Variants in BTBD10 observed in about 807,000 individuals in gnomAD.
BTBD10 encodes BTB domain containing 10, also known as BTB/POZ domain-containing protein 10.
BTBD10 carries 21 observed loss-of-function variants against 53.2 expected under a neutral mutation model. That is an observed-to-expected ratio of 0.39 (90% CI 0.28 to 0.57). The LOEUF is 0.57. Ranked by LOEUF, BTBD10 falls within the 20% of genes least tolerant of loss-of-function variation. The pLI is 0.53. For missense variants in BTBD10, 360 were observed against 594.7 expected, an observed-to-expected ratio of 0.61 and a Z score of 4.10; for synonymous variants, 149 against 192.7, an observed-to-expected ratio of 0.77 and a Z score of 1.88.
At chr11:13,417,311 A>C (rs1214786522) in intron 4 of BTBD10, 51 bp from the exon 5 acceptor site, 2 of 1,298,928 alleles carry the variant, frequency 1.5e-6, no homozygotes, top group Non-Finnish European at 2.1e-6. Context: ...TTCCTTCAAA[A>C]GGGAAAATAG....
intron 1 of BTBD10, among the ~76,000 whole-genome samples, chr11:13,460,132 C>T (rs928356822): frequency 1.3e-5 from 2 of 152,262 alleles, no homozygotes; most frequent in East Asian, 3.8e-4. Flanking sequence ...CTAGCTTGGC[C>T]TGAGATGACT....
chr11:13,445,126 C>A lies in BTBD10; in HGVS notation c.-2G>T, dbSNP rs545794626. On this transcript the variant is annotated 5_prime_UTR_variant, in exon 2 of 9. Transcript: ENST00000278174. ...ATAGGGATGAGGCCGTCCTGCCATC[C>A]CACTCCAAGCTTCCTCACACTACTG... is the stretch of plus-strand genomic sequence containing the variant. 1 of 1,610,564 alleles carries A rather than the reference C, an allele frequency of 6.2e-7. No individual in the cohort carries two copies. Among genetic ancestry groups the A allele is most frequent in the African/African-American group, 1.3e-5 (1 of 74,904 alleles).
intron 2 of BTBD10, among the ~76,000 whole-genome samples, chr11:13,443,141 G>A (rs1362819760): frequency 6.6e-6 from 1 of 151,778 alleles, no homozygotes; most frequent in Non-Finnish European, 1.5e-5. Flanking sequence ...GTAGTCCTAG[G>A]TACTCCAGAG....
intron 2 of BTBD10, among the ~76,000 whole-genome samples, chr11:13,433,653 T>C (rs2134003945): frequency 6.6e-6 from 1 of 152,340 alleles, no homozygotes; most frequent in Non-Finnish European, 1.5e-5. Context: ...ATTTTGTAAA[T>C]AAAGTATTAT....
rs186426170 is a variant in BTBD10, at chr11:13,416,302, C to T, written c.687+856G>A. ...CCAGAAGGTCAAGGCTGCAGTTAGC[C>T]GTGATCACACTACTGCACTGCAGCC... On this transcript the variant is annotated intron_variant, in intron 5 of 8. Coordinates refer to ENST00000278174, the MANE Select transcript of BTBD10 (RefSeq NM_032320.7). Among the ~76,000 whole-genome samples, 47 of 151,888 alleles carry T rather than the reference C, an allele frequency of 3.1e-4. No individual in the cohort carries two copies. The South Asian group carries it at 4.2e-3, about 13-fold the overall frequency.
chr11:13,389,092 T>C lies in BTBD10; in HGVS notation c.1167A>G (p.Pro389=), dbSNP rs1949334786. 1.2e-6 allele frequency: 2 copies of C among 1,614,090 alleles called. No homozygotes were observed. The highest frequency in any genetic ancestry group is 1.3e-5 in the African/African-American group (1 of 75,064). ...EKVKKRPGGR[P]EVIYNYVQRP... ...TTTGGACATAGTTGTAGATCACTTC[T>C]GGGCGGCCTCCAGGCCTTTTCTTTA... is the stretch of plus-strand genomic sequence containing the variant. Residue 389 remains proline (P), a synonymous_variant, in exon 9 of 9, where the codon CCA becomes CCG. Coordinates refer to ENST00000278174, the MANE Select transcript of BTBD10 (RefSeq NM_032320.7).
chr11:13,394,928 A>C (rs1356294023), intron 8 of BTBD10, among the ~76,000 whole-genome samples: 1 of 151,350 alleles, frequency 6.6e-6, no homozygotes, highest in East Asian at 1.9e-4. Context: ...ACATTTTCTT[A>C]ATCCAGTCTA....
At chr11:13,452,925 GTTCA>G (rs1281935179) in intron 1 of BTBD10, among the ~76,000 whole-genome samples, 2 of 152,050 alleles carry the variant, frequency 1.3e-5, no homozygotes, top group Admixed American at 1.3e-4. Context: ...TATTTTATTA[GTTCA>G]TTCATGACTA....
chr11:13,447,314 T>C (rs1223251724), intron 1 of BTBD10, among the ~76,000 whole-genome samples: 2 of 151,836 alleles, frequency 1.3e-5, no homozygotes, highest in Admixed American at 6.6e-5. Context: ...TGGAGTACAA[T>C]GGTGCAATCA....
At chr11:13,410,558 C>T (rs1163224743) in intron 6 of BTBD10, among the ~76,000 whole-genome samples, 1 of 151,924 alleles carries the variant, frequency 6.6e-6, no homozygotes, top group Non-Finnish European at 1.5e-5. Flanking sequence ...GACAGAGATG[C>T]CAGAATTCCC....
intron 8 of BTBD10, among the ~76,000 whole-genome samples, chr11:13,400,270 C>T (rs1041052420): frequency 7.9e-5 from 12 of 152,224 alleles, no homozygotes; most frequent in Non-Finnish European, 1.8e-4. Context: ...CCCAGCCTCG[C>T]TGCCACCTTG....
chr11:13,459,068 T>TA, intron 1 of BTBD10, among the ~76,000 whole-genome samples: 1 of 149,642 alleles, frequency 6.7e-6, no homozygotes, highest in East Asian at 1.9e-4. Context: ...ATTTTTTTTT[T>TA]TTTTTTGAGA....
At chr11:13,453,520 G>C (rs2059635151) in intron 1 of BTBD10, among the ~76,000 whole-genome samples, 1 of 152,140 alleles carries the variant, frequency 6.6e-6, no homozygotes, top group South Asian at 2.1e-4. Flanking sequence ...AGTGTTTGGA[G>C]GTGATAGTGC....
chr11:13,432,197 G>A (rs1950461649), intron 2 of BTBD10, among the ~76,000 whole-genome samples: 1 of 152,070 alleles, frequency 6.6e-6, no homozygotes. Flanking sequence ...GGTTGCCAGA[G>A]GTCAGAGTTG....
chr11:13,414,515 G>A (rs1443364408), intron 5 of BTBD10, among the ~76,000 whole-genome samples: 2 of 152,074 alleles, frequency 1.3e-5, no homozygotes, highest in Non-Finnish European at 2.9e-5. Context: ...TTAGCCGGGT[G>A]TGGTGGCAGG....
chr11:13,455,159 T>C (rs942338264), intron 1 of BTBD10, among the ~76,000 whole-genome samples: 5 of 152,202 alleles, frequency 3.3e-5, no homozygotes. Context: ...GTGATCTGCC[T>C]GCCTTGGCCT....
At chr11:13,430,974 TACACAC>T (rs3046409) in intron 2 of BTBD10, among the ~76,000 whole-genome samples, 17 of 144,490 alleles carry the variant, frequency 1.2e-4, no homozygotes, top group South Asian at 4.5e-4. Flanking sequence ...TGGAGATACA[TACACAC>T]ACACACACAC....
intron 1 of BTBD10, among the ~76,000 whole-genome samples, chr11:13,446,078 A>C (rs1230460590): frequency 1.3e-5 from 2 of 152,198 alleles, no homozygotes; most frequent in Non-Finnish European, 2.9e-5. Flanking sequence ...GCTGAGACTA[A>C]AGTATTTGTT....
intron 2 of BTBD10, among the ~76,000 whole-genome samples, chr11:13,425,345 C>A (rs1377637315): frequency 6.6e-6 from 1 of 152,076 alleles, no homozygotes; most frequent in Non-Finnish European, 1.5e-5. Context: ...ATAGCTAAAT[C>A]CTAAAGCAAA....
Sources: allele counts gnomAD v4.1 joint callset (sites outside exome capture counted in the v4.1 genomes callset), GRCh38; gene constraint gnomAD v4.1.1; transcripts MANE v1.5; gene names NCBI Gene and HGNC (gene_info 2026-07-23, HGNC 2026-07-21).